Variants in FLT1 observed in about 807,000 individuals in gnomAD.
The protein encoded by FLT1 is vascular endothelial growth factor receptor 1.
Under a neutral mutation model 156.3 loss-of-function variants are expected in FLT1, and 49 were observed. That is an observed-to-expected ratio of 0.31 (90% CI 0.25 to 0.40). The LOEUF is 0.40. Ranked by LOEUF, FLT1 falls within the 10% of genes least tolerant of loss-of-function variation. The pLI is 1.00. For missense variants in FLT1, 1,322 were observed against 1,637.2 expected, an observed-to-expected ratio of 0.81 and a Z score of 3.32; for synonymous variants, 594 against 583.8, an observed-to-expected ratio of 1.02 and a Z score of -0.25.
chr13:28,411,263 A>T (rs796399678), intron 10 of FLT1, among the ~76,000 whole-genome samples: 11 of 152,132 alleles, frequency 7.2e-5, no homozygotes, highest in African/African-American at 2.6e-4. Context: ...CATTAAAAAA[A>T]AAATCTGGCC....
intron 20 of FLT1, among the ~76,000 whole-genome samples, chr13:28,323,407 T>G (rs1871552631): frequency 6.6e-6 from 1 of 152,036 alleles, no homozygotes; most frequent in Non-Finnish European, 1.5e-5. Context: ...ATCCCAGCAC[T>G]TTGGGAGGCC....
At chr13:28,355,695 G>A (rs974536344) in intron 15 of FLT1, among the ~76,000 whole-genome samples, 13 of 152,274 alleles carry the variant, frequency 8.5e-5, no homozygotes, top group African/African-American at 2.6e-4. Flanking sequence ...CACGCTTGGC[G>A]TTATGTGGCA....
In FLT1 at chr13:28,430,147, T is replaced by G. The variant is rs747566037; in HGVS notation, c.1009A>C (p.Lys337Gln). The G allele has an allele frequency of 2.7e-5, 44 of 1,612,590 alleles. No individual in the cohort carries two copies. The South Asian group carries it at 4.3e-4, about 16-fold the overall frequency. ...HIYDKAFITV[K>Q]HRKQQVLETV... ...TCAAGCACCTGCTGTTTTCGATGTT[T>G]CACAGTGATGAATGCTTTATCTTTG... Residue 337 changes from lysine (K) to glutamine (Q), a missense_variant, in exon 8 of 30, where the codon AAA (lysine) becomes CAA (glutamine). By Grantham distance (53) the Lys-to-Gln change is moderately conservative (BLOSUM62 1). Coordinates refer to ENST00000282397, the MANE Select transcript of FLT1 (RefSeq NM_002019.4).
intron 14 of FLT1, among the ~76,000 whole-genome samples, chr13:28,374,079 T>C (rs911151657): frequency 1.3e-5 from 2 of 152,158 alleles, no homozygotes; most frequent in Non-Finnish European, 2.9e-5. Flanking sequence ...ATTGGGGTTA[T>C]GAAAAAGTTC....
At chr13:28,313,919 G>A (rs1377465282) in intron 25 of FLT1, among the ~76,000 whole-genome samples, 5 of 133,894 alleles carry the variant, frequency 3.7e-5, no homozygotes, top group Admixed American at 1.6e-4. Context: ...AGAAGAATCC[G>A]GGTGTGGTGG....
chr13:28,446,046 C>A (rs7330091), intron 3 of FLT1, among the ~76,000 whole-genome samples: 94,309 of 152,028 alleles, frequency 0.62, 29,524 homozygotes, highest in Non-Finnish European at 0.65. Flanking sequence ...ATAGAATAAA[C>A]ATCAAAACCC....
intron 26 of FLT1, 43 bp downstream of exon 26, chr13:28,311,950 C>G: frequency 7.5e-7 from 1 of 1,340,080 alleles, no homozygotes; most frequent in Non-Finnish European, 1.1e-6. Flanking sequence ...GCCCCCCTGA[C>G]GTACATTCAA....
intron 12 of FLT1, among the ~76,000 whole-genome samples, chr13:28,394,238 C>T: frequency 6.6e-6 from 1 of 152,116 alleles, no homozygotes; most frequent in East Asian, 1.9e-4. Flanking sequence ...AAAGTATATT[C>T]CAGGCAATGA....
At chr13:28,359,365 T>A (rs1482101015) in intron 14 of FLT1, among the ~76,000 whole-genome samples, 1 of 152,058 alleles carries the variant, frequency 6.6e-6, no homozygotes, top group Non-Finnish European at 1.5e-5. Flanking sequence ...CCTTCTCTCA[T>A]CCCTTATATA....
intron 20 of FLT1, among the ~76,000 whole-genome samples, chr13:28,326,804 C>T (rs770768504): frequency 1.3e-5 from 2 of 152,168 alleles, no homozygotes; most frequent in South Asian, 4.1e-4. Context: ...GGATTACAGG[C>T]GTAAGCCACC....
intron 4 of FLT1, among the ~76,000 whole-genome samples, chr13:28,434,891 A>G (rs996196188): frequency 2.6e-5 from 4 of 152,206 alleles, no homozygotes; most frequent in African/African-American, 9.6e-5. Context: ...TCAAAAACAG[A>G]GAGAGAAACC....
chr13:28,438,099 G>C lies in FLT1; in HGVS notation c.513+122C>G. On this transcript the variant is annotated intron_variant, in intron 4 of 29. Coordinates refer to ENST00000282397, the MANE Select transcript of FLT1 (RefSeq NM_002019.4). ...TCCTTATAGTAAAAGGATGTTACAG[G>C]AAAGTCCACTGAGAAGCCCAGGTGT... 3 of 902,888 alleles carry C rather than the reference G, an allele frequency of 3.3e-6. No individual in the cohort carries two copies. In the South Asian group the frequency reaches 4.1e-5, roughly 12 times the overall value. The allele number at this position is 902,888 out of a possible 1,614,324, so 55.9% of individuals were successfully genotyped here. A position where few individuals can be genotyped will look rare whatever the true frequency, so the allele number is the denominator to read the frequency against.
At chr13:28,373,332 A>C (rs1444858928) in intron 14 of FLT1, among the ~76,000 whole-genome samples, 1 of 152,208 alleles carries the variant, frequency 6.6e-6, no homozygotes, top group African/African-American at 2.4e-5. Context: ...AGATTATATA[A>C]AAATCAGGTT....
intron 1 of FLT1, 147 bp downstream of exon 1, chr13:28,494,633 A>G: frequency 1.6e-6 from 1 of 629,816 alleles, no homozygotes; most frequent in South Asian, 1.9e-5. Context: ...GCCCGCTGCA[A>G]CTAGTGTCCC....
chr13:28,486,863 T>TGCCTCCCATGTGGCCAGGC (rs1182879859), intron 1 of FLT1, among the ~76,000 whole-genome samples: 1 of 152,242 alleles, frequency 6.6e-6, no homozygotes, highest in Non-Finnish European at 1.5e-5. Context: ...TTTGGGCAGG[T>TGCCTCCCATGTGGCCAGGC]GCCTCCCATG....
At chr13:28,436,690 T>C (rs1369455642) in intron 4 of FLT1, among the ~76,000 whole-genome samples, 1 of 152,232 alleles carries the variant, frequency 6.6e-6, no homozygotes, top group East Asian at 1.9e-4. Context: ...TGCCATGCTA[T>C]TGAAAACATG....
intron 14 of FLT1, chr13:28,368,564 GATA>G (rs1415021508): frequency 1.2e-5 from 18 of 1,488,280 alleles, no homozygotes; most frequent in Admixed American, 2.0e-5. Flanking sequence ...TGATGATGAT[GATA>G]ATGATGATAG....
At chr13:28,494,030 C>T (rs1164138620) in intron 1 of FLT1, among the ~76,000 whole-genome samples, 1 of 152,242 alleles carries the variant, frequency 6.6e-6, no homozygotes, top group Non-Finnish European at 1.5e-5. Context: ...CGGACTGGAC[C>T]GCGCACCACG....
chr13:28,384,750 A>G, intron 14 of FLT1, 135 bp downstream of exon 14: 1 of 846,928 alleles, frequency 1.2e-6, no homozygotes, highest in South Asian at 1.4e-5. Context: ...TATCAGCATG[A>G]ACCAGATCCC....
Sources: allele counts gnomAD v4.1 joint callset (sites outside exome capture counted in the v4.1 genomes callset), GRCh38; gene constraint gnomAD v4.1.1; transcripts MANE v1.5; gene names NCBI Gene and HGNC (gene_info 2026-07-23, HGNC 2026-07-21).